Variants in UGT2B11 observed in about 807,000 individuals in gnomAD.
The protein encoded by UGT2B11 is UDP-glucuronosyltransferase 2B11.
A neutral mutation model predicts 51.7 loss-of-function variants in UGT2B11; 49 were observed. The observed-to-expected ratio is 0.95, with a 90% CI of 0.75 to 1.20. The LOEUF (loss-of-function observed/expected upper bound fraction) is 1.20. Among genes scored for constraint, UGT2B11 ranks in the 50% most tolerant of loss-of-function variants. UGT2B11 has a pLI of 0.00. For synonymous variants in UGT2B11, 273 were observed against 209.0 expected, an observed-to-expected ratio of 1.31 and a Z score of -2.64; for missense variants, 810 against 622.1, an observed-to-expected ratio of 1.30 and a Z score of -3.21.
upstream of UGT2B11, chr4:69,214,836 T>C (rs1722215900): frequency 2.7e-6 from 4 of 1,485,082 alleles, no homozygotes; most frequent in South Asian, 1.4e-5. Flanking sequence ...AAATATATTA[T>C]AGGAGCATCC....
chr4:69,200,964 C>A (rs1201747563), intron 5 of UGT2B11, among the ~76,000 whole-genome samples: 2 of 151,104 alleles, frequency 1.3e-5, no homozygotes, highest in South Asian at 4.2e-4. Flanking sequence ...TTTTTTCAAG[C>A]AGAGAAAATA....
the UGT2B11 span, among the ~76,000 whole-genome samples, chr4:69,222,000 C>T: frequency 2.0e-5 from 3 of 152,284 alleles, no homozygotes; most frequent in East Asian, 5.8e-4. Context: ...TTGCAAACCG[C>T]ACTGATAACA....
upstream of UGT2B11, chr4:69,214,994 A>G: frequency 2.5e-6 from 1 of 397,342 alleles, no homozygotes; most frequent in South Asian, 3.8e-5. Context: ...AACCTACTTT[A>G]TAATAGTGTC....
intron 5 of UGT2B11, among the ~76,000 whole-genome samples, chr4:69,201,483 T>G (rs1375256978): frequency 2.0e-5 from 3 of 151,870 alleles, no homozygotes. Context: ...GAACCCTACA[T>G]CGTAAGACAC....
Position 69,208,438 on chromosome 4 carries a change from CACA to C in UGT2B11, c.912_914del (p.Val306del), listed in dbSNP as rs1390471896. On this transcript the variant is annotated inframe_deletion, in exon 3 of 6. Transcript: ENST00000446444. ...TTATCACTGACCCCAGAGAAAACAC[CACA>C]ACACCATTTTCTCCAGAGCTCTGTA... 1.9e-6 allele frequency: 3 copies of C among 1,609,824 alleles called. No individual in the cohort carries two copies. The highest frequency in any genetic ancestry group is 1.7e-5 in the Admixed American group (1 of 59,798).
chr4:69,220,523 TCTCAAC>T, the UGT2B11 span, among the ~76,000 whole-genome samples: 1 of 984 alleles, frequency 1.0e-3, no homozygotes, highest in Non-Finnish European at 0.1. Context: ...TTCATGATTG[TCTCAAC>T]CATGTGTAAG....
chr4:69,224,755 A>G, the UGT2B11 span, among the ~76,000 whole-genome samples: 5 of 116,680 alleles, frequency 4.3e-5, no homozygotes, highest in African/African-American at 1.4e-4. Flanking sequence ...ACCGAGAGAA[A>G]AAAAAAAAAA....
At chr4:69,209,376 C>T (rs943867203) in intron 2 of UGT2B11, among the ~76,000 whole-genome samples, 2 of 151,640 alleles carry the variant, frequency 1.3e-5, no homozygotes, top group African/African-American at 4.8e-5. Context: ...GCCACCAGGC[C>T]TTTCTTCAGG....
chr4:69,218,238 T>C (rs966783163), upstream of UGT2B11, among the ~76,000 whole-genome samples: 4 of 152,234 alleles, frequency 2.6e-5, no homozygotes, highest in African/African-American at 9.6e-5. Context: ...TTTGATAATA[T>C]GTACCAAGAG....
Position 69,200,216 on chromosome 4 carries a change from C to T in UGT2B11, c.*224G>A. On this transcript the variant is annotated 3_prime_UTR_variant, in exon 6 of 6. Transcript: ENST00000446444. ...GGCTTTATATTATTTTTTAATTTTC[C>T]TAGTATTTTCTTCATTGCCACAAAA... 1 of 486,422 alleles carries T rather than the reference C, an allele frequency of 2.1e-6. No homozygotes were observed. Among genetic ancestry groups the T allele is most frequent in the Non-Finnish European group, 3.1e-6 (1 of 321,618 alleles). 30.1% of individuals were successfully genotyped at this position (486,422 alleles called of 1,614,324 possible).
intron 3 of UGT2B11, 103 bp downstream of exon 3, chr4:69,208,248 A>T: frequency 6.4e-7 from 1 of 1,567,310 alleles, no homozygotes; most frequent in Non-Finnish European, 8.6e-7. Context: ...ATGTATTTGG[A>T]TGTAAAGAGT....
rs551878260 is a variant in UGT2B11, at chr4:69,214,276, A to G, written c.447T>C (p.Phe149=). ...CACCACAGGGAAAAACAGCATCTGC[A>G]AAAACGATGTCAAATCTTGACTCTT... is the stretch of plus-strand genomic sequence containing the variant. The part of the protein sequence containing the change: ...KLQESRFDIV[F]ADAVFPCGEL... Residue 149 remains phenylalanine, a synonymous_variant, in exon 1 of 6, where the codon TTT becomes TTC. Coordinates refer to ENST00000446444, the MANE Select transcript of UGT2B11 (RefSeq NM_001073.3). 5.0e-6 allele frequency: 8 copies of G among 1,613,314 alleles called. No individual in the cohort carries two copies. The South Asian group carries it at 5.5e-5, about 11-fold the overall frequency.
At chr4:69,208,129 C>G (rs530775986) in intron 3 of UGT2B11, among the ~76,000 whole-genome samples, 1 of 151,456 alleles carries the variant, frequency 6.6e-6, no homozygotes, top group Non-Finnish European at 1.5e-5. Flanking sequence ...CTAATAGGAG[C>G]CACTCATGAA....
intron 4 of UGT2B11, 68 bp downstream of exon 4, chr4:69,205,412 A>G (rs1278405435): frequency 1.7e-5 from 26 of 1,553,562 alleles, no homozygotes; most frequent in African/African-American, 2.8e-5. Context: ...ATATTCAATA[A>G]GCATGTTTCA....
In UGT2B11 at chr4:69,200,169, A is replaced by G. The variant is rs141627522; in HGVS notation, c.*271T>C. ...CAACAAATCTCAATATAAGTGCAAC[A>G]AATTTCAATATGAGCTCAAATGGCT... On this transcript the variant is annotated 3_prime_UTR_variant, in exon 6 of 6. Coordinates refer to ENST00000446444, the MANE Select transcript of UGT2B11 (RefSeq NM_001073.3). 9.6e-3 allele frequency: 2,875 copies of G among 299,296 alleles called. 206 individuals are homozygous for G. The East Asian group carries it at 0.18, about 19-fold the overall frequency. The allele number at this position is 299,296 out of a possible 1,614,324, so 18.5% of individuals were successfully genotyped here. A position where few individuals can be genotyped will look rare whatever the true frequency, so the allele number is the denominator to read the frequency against.
upstream of UGT2B11, among the ~76,000 whole-genome samples, chr4:69,217,802 A>G (rs961574311): frequency 1.3e-5 from 2 of 152,078 alleles, no homozygotes; most frequent in African/African-American, 2.4e-5. Flanking sequence ...TAGCATATAG[A>G]CAAAAAAAAT....
rs1437515630 is a variant in UGT2B11, at chr4:69,200,623, G to T, written c.1407C>A (p.Pro469=). The T allele has an allele frequency of 6.2e-7, 1 of 1,612,370 alleles. No homozygotes were observed. The change falls in exon 6 of 6, where the codon CCC becomes CCA. Residue 469 remains proline, a synonymous_variant. Transcript: ENST00000446444. ...RAVFWIEFVM[P]HKGAKHLRVA... ...CTCGAAGGTGTTTGGCTCCTTTGTG[G>T]GGCATGACAAATTCAATCCAGAAGA...
chr4:69,206,654 T>A (rs113335183), intron 3 of UGT2B11, among the ~76,000 whole-genome samples: 1 of 151,602 alleles, frequency 6.6e-6, no homozygotes, highest in Non-Finnish European at 1.5e-5. Context: ...ATTAATTTAA[T>A]TTAAAAAATA....
At chr4:69,210,612 C>T (rs1230738771) in intron 2 of UGT2B11, among the ~76,000 whole-genome samples, 2 of 151,562 alleles carry the variant, frequency 1.3e-5, no homozygotes, top group African/African-American at 4.8e-5. Flanking sequence ...ACCTCCTACT[C>T]TCTTCCTCCT....
Sources: gnomAD v4.1 joint callset for allele counts (sites outside exome capture counted in the v4.1 genomes callset) on GRCh38, gnomAD v4.1.1 for gene constraint, MANE v1.5 for transcripts, NCBI Gene and HGNC (gene_info 2026-07-23, HGNC 2026-07-21) for gene names.